VRK1: variants seen among roughly 807,000 people sequenced by gnomAD.
The protein encoded by VRK1 is serine/threonine-protein kinase VRK1.
In VRK1, 33 loss-of-function variants were observed where a neutral mutation model predicts 57.1. That is an observed-to-expected ratio of 0.58 (90% CI 0.44 to 0.77). The LOEUF (loss-of-function observed/expected upper bound fraction) is 0.77, where lower values mean the gene tolerates loss of function less well. VRK1 is among the 30% of genes least tolerant of loss of function. VRK1 has a pLI of 0.00. For missense variants in VRK1, 413 were observed against 477.3 expected (o/e 0.87, Z 1.25); for synonymous variants, 137 against 147.8 (o/e 0.93, Z 0.53).
intron 7 of VRK1, among the ~76,000 whole-genome samples, chr14:96,853,728 T>A (rs1390685242): frequency 6.6e-6 from 1 of 152,122 alleles, no homozygotes; most frequent in Non-Finnish European, 1.5e-5. Context: ...TATTATACCT[T>A]TATTTAGGTC....
intron 3 of VRK1, among the ~76,000 whole-genome samples, chr14:96,841,786 G>A (rs1038041929): frequency 4.0e-5 from 6 of 151,216 alleles, no homozygotes; most frequent in Middle Eastern, 3.2e-3. Context: ...AGTGAGCTGA[G>A]ATGGCACCAT....
chr14:96,819,947 G>T (rs1886536072), intron 1 of VRK1, among the ~76,000 whole-genome samples: 2 of 152,104 alleles, frequency 1.3e-5, no homozygotes, highest in African/African-American at 2.4e-5. Context: ...AGTTTTTGGT[G>T]CATCTCATCG....
At chr14:96,860,778 A>G in intron 11 of VRK1, 43 bp downstream of exon 11, 1 of 1,595,532 alleles carries the variant, frequency 6.3e-7, no homozygotes, top group Non-Finnish European at 8.6e-7. Context: ...TCTTGTGTTT[A>G]TAATTGCAAT....
chr14:96,798,840 TAGATA>T (rs2139671834), intron 1 of VRK1, among the ~76,000 whole-genome samples: 1 of 152,346 alleles, frequency 6.6e-6, no homozygotes, highest in Admixed American at 6.5e-5. Context: ...AATTTCTGGG[TAGATA>T]AGATTATGTT....
At position 96,847,395 on chromosome 14, in the gene VRK1, A is replaced by G. The variant is rs765697653; in HGVS notation, c.374+51A>G. Reference sequence around the variant, plus strand: ...CTCCTTCCCTTTTGCAACATTCACTATTTAGTTGGTTTAGTCAGTAATTAT... The same window carrying G: ...CTCCTTCCCTTTTGCAACATTCACTGTTTAGTTGGTTTAGTCAGTAATTAT... On this transcript the variant is annotated intron_variant, in intron 5 of 12. Coordinates refer to ENST00000216639, the MANE Select transcript of VRK1 (RefSeq NM_003384.3). 1.1e-5 allele frequency: 16 copies of G among 1,472,868 alleles called. No homozygotes were observed. In the South Asian group the frequency reaches 1.1e-4, roughly 10 times the overall value. 91.2% of individuals were successfully genotyped at this position (1,472,868 alleles called of 1,614,324 possible).
intron 1 of VRK1, among the ~76,000 whole-genome samples, chr14:96,807,976 T>TCTCC (rs2139686986): frequency 9.1e-6 from 1 of 110,134 alleles, no homozygotes; most frequent in African/African-American, 3.9e-5. Context: ...CCTCTCTCTC[T>TCTCC]GTCTCTCTCC....
In VRK1 at chr14:96,808,270, CTGCCCCTGTTTTT is replaced by C. The variant is rs528493394; in HGVS notation, c.-6+10824_-6+10836del. Among the ~76,000 whole-genome samples the C allele has an allele frequency of 3.6e-3, 553 of 152,186 alleles. 2 individuals carry two copies. Among genetic ancestry groups the C allele is most frequent in the Middle Eastern group, 0.014 (4 of 294 alleles). On this transcript the variant is annotated intron_variant, in intron 1 of 12. Coordinates refer to ENST00000216639, the MANE Select transcript of VRK1 (RefSeq NM_003384.3). ...ATGAATAGGACATGGTCCCTGCTTT[CTGCCCCTGTTTTT>C]GTTTAATTGTTCAGTTTATGGAACT...
chr14:96,877,225 G>A (rs185321195), intron 12 of VRK1, among the ~76,000 whole-genome samples: 1 of 152,186 alleles, frequency 6.6e-6, no homozygotes, highest in African/African-American at 2.4e-5. Context: ...AGTGACATTA[G>A]TGCATGTTTG....
At chr14:96,808,002 C>CCTCTCTCCGTCT (rs149250994) in intron 1 of VRK1, among the ~76,000 whole-genome samples, 7 of 118,138 alleles carry the variant, frequency 5.9e-5, no homozygotes, top group South Asian at 2.8e-4. Flanking sequence ...TCCCTCTCTC[C>CCTCTCTCCGTCT]CTCTCTCTCT....
intron 1 of VRK1, among the ~76,000 whole-genome samples, chr14:96,809,570 C>CTTTT (rs566987608): frequency 4.6e-4 from 59 of 128,352 alleles, no homozygotes; most frequent in Non-Finnish European, 6.0e-4. Flanking sequence ...TGCTTGCTTT[C>CTTTT]TTTTTTTTTT....
chr14:96,821,122 C>T (rs931499187), intron 1 of VRK1, among the ~76,000 whole-genome samples: 1 of 152,120 alleles, frequency 6.6e-6, no homozygotes. Flanking sequence ...TATATCATAA[C>T]TGTGTGATGC....
chr14:96,875,120 A>G (rs1391995792), intron 11 of VRK1, among the ~76,000 whole-genome samples: 1 of 137,854 alleles, frequency 7.3e-6, no homozygotes, highest in African/African-American at 2.6e-5. Flanking sequence ...ACTACAGAAG[A>G]TAAAGTTATA....
At chr14:96,809,279 G>A (rs553718357) in intron 1 of VRK1, among the ~76,000 whole-genome samples, 11 of 152,302 alleles carry the variant, frequency 7.2e-5, no homozygotes, top group South Asian at 6.2e-4. Context: ...CTGGATTGAA[G>A]GGGAGGGGAC....
chr14:96,871,911 C>T (rs1888838443), intron 11 of VRK1, among the ~76,000 whole-genome samples: 1 of 152,080 alleles, frequency 6.6e-6, no homozygotes, highest in African/African-American at 2.4e-5. Flanking sequence ...ACCTCTGCCT[C>T]CTGGATTCAA....
intron 11 of VRK1, among the ~76,000 whole-genome samples, chr14:96,872,035 C>T (rs946216104): frequency 4.6e-5 from 7 of 152,110 alleles, no homozygotes; most frequent in Admixed American, 3.3e-4. Context: ...AAACTCCTGA[C>T]CTCAAGTGAT....
chr14:96,819,988 G>A (rs1448639202), intron 1 of VRK1, among the ~76,000 whole-genome samples: 1 of 152,126 alleles, frequency 6.6e-6, no homozygotes, highest in Non-Finnish European at 1.5e-5. Flanking sequence ...AGATGTAATG[G>A]TTTCGCCAGG....
chr14:96,830,118 A>G (rs1256978153), intron 1 of VRK1, among the ~76,000 whole-genome samples: 1 of 152,190 alleles, frequency 6.6e-6, no homozygotes, highest in African/African-American at 2.4e-5. Flanking sequence ...CTTATAAAAT[A>G]TCTGCAGATG....
intron 1 of VRK1, among the ~76,000 whole-genome samples, chr14:96,801,865 G>A (rs1290039627): frequency 6.6e-6 from 1 of 152,172 alleles, no homozygotes; most frequent in Non-Finnish European, 1.5e-5. Context: ...GTAGGCTCAG[G>A]AGGAGGAACA....
At chr14:96,856,450 C>G in intron 9 of VRK1, 78 bp from the exon 10 acceptor site, 1 of 1,382,554 alleles carries the variant, frequency 7.2e-7, no homozygotes, top group Non-Finnish European at 1.0e-6. Context: ...CACAATATAG[C>G]TTAATGTGCT....
Sources: gnomAD v4.1 joint callset for allele counts (sites outside exome capture counted in the v4.1 genomes callset) on GRCh38, gnomAD v4.1.1 for gene constraint, MANE v1.5 for transcripts, NCBI Gene and HGNC (gene_info 2026-07-23, HGNC 2026-07-21) for gene names.